Variants in SFMBT2 observed in about 807,000 individuals in gnomAD.
SFMBT2 encodes the protein scm-like with four MBT domains protein 2.
In SFMBT2, 38 loss-of-function variants were observed where a neutral mutation model predicts 110.1. The ratio of observed to expected loss-of-function variants is 0.35; its 90% CI spans 0.27 to 0.45. The LOEUF (loss-of-function observed/expected upper bound fraction) is 0.45. SFMBT2 is among the 20% of genes least tolerant of loss of function. The pLI, the probability that SFMBT2 is intolerant of heterozygous loss-of-function variation, is 1.00. For synonymous variants in SFMBT2, 425 were observed against 425.4 expected (o/e 1.00, Z 0.01); for missense variants, 1,011 against 1,094.9 (o/e 0.92, Z 1.08).
chr10:7,252,209 C>T (rs913297923), intron 7 of SFMBT2, among the ~76,000 whole-genome samples: 1 of 152,194 alleles, frequency 6.6e-6, no homozygotes, highest in African/African-American at 2.4e-5. Context: ...TCAATCATAG[C>T]TCCCCGTGCT....
chr10:7,211,201 A>T lies in SFMBT2; in HGVS notation c.1331-5273T>A, dbSNP rs575375765. Reference sequence around the variant, plus strand: ...TCGTTTTTATTTCTGGGTGGGGGGTATGTGTCTAGCAACTGTCTCCCTCCT... The same window carrying T: ...TCGTTTTTATTTCTGGGTGGGGGGTTTGTGTCTAGCAACTGTCTCCCTCCT... On this transcript the variant is annotated intron_variant, in intron 11 of 20. Transcript: ENST00000397167. Among the ~76,000 whole-genome samples the T allele has an allele frequency of 4.0e-5, 6 of 151,894 alleles. No homozygotes were observed. The South Asian group carries it at 1.3e-3, about 32-fold the overall frequency.
chr10:7,204,422 A>T, intron 12 of SFMBT2: 1 of 985,386 alleles, frequency 1.0e-6, no homozygotes, highest in Non-Finnish European at 1.2e-6. Context: ...AATGTCAGAG[A>T]CGGAATCTCT....
At chr10:7,207,607 C>G (rs1174080026) in intron 11 of SFMBT2, 54 of 984,228 alleles carry the variant, frequency 5.5e-5, no homozygotes, top group Non-Finnish European at 6.4e-5. Context: ...TCCAAGTCAT[C>G]TCATAACATC....
intron 16 of SFMBT2, among the ~76,000 whole-genome samples, chr10:7,182,490 G>C (rs1202529451): frequency 6.6e-6 from 1 of 152,082 alleles, no homozygotes; most frequent in South Asian, 2.1e-4. Context: ...ATGATAGACT[G>C]GATTAAGAAA....
chr10:7,186,500 A>G (rs1010750622), intron 16 of SFMBT2, among the ~76,000 whole-genome samples: 3 of 146,100 alleles, frequency 2.1e-5, no homozygotes, highest in Admixed American at 6.9e-5. Flanking sequence ...TTGTAGAGAC[A>G]GGGTCTTACT....
chr10:7,317,258 C>T (rs1377203772), intron 4 of SFMBT2, among the ~76,000 whole-genome samples: 5 of 151,408 alleles, frequency 3.3e-5, no homozygotes, highest in Non-Finnish European at 2.9e-5. Context: ...TCTCATCATT[C>T]GAAAATAGAG....
chr10:7,356,556 G>A (rs1242181391), intron 4 of SFMBT2, among the ~76,000 whole-genome samples: 1 of 152,130 alleles, frequency 6.6e-6, no homozygotes, highest in African/African-American at 2.4e-5. Flanking sequence ...GGGATTACAG[G>A]CATGTGCCAC....
In SFMBT2 at chr10:7,160,848, C is replaced by T. The variant is rs1006531684; in HGVS notation, c.*2922G>A. On this transcript the variant is annotated 3_prime_UTR_variant, in exon 21 of 21. Transcript: ENST00000397167. ...GTCCATCCACCACGACGGAAATCCC[C>T]GGAGAATCCAGGCTCAGAAGGACAC... The T allele has an allele frequency of 2.6e-5, 4 of 152,252 alleles. No homozygotes were observed. Among genetic ancestry groups the T allele is most frequent in the Admixed American group, 6.5e-5 (1 of 15,286 alleles). The allele number at this position is 152,252 out of a possible 1,614,324, so 9.4% of individuals were successfully genotyped here.
chr10:7,238,533 TC>T lies in SFMBT2; in HGVS notation c.1120+5024del, dbSNP rs538559458. 2.4e-3 allele frequency among the ~76,000 whole-genome samples: 370 copies of T among 152,356 alleles called. 3 individuals are homozygous for T. Among genetic ancestry groups the T allele is most frequent in the South Asian group, 0.013 (62 of 4,826 alleles). On this transcript the variant is annotated intron_variant, in intron 9 of 20. Transcript: ENST00000397167. Reference sequence around the variant, plus strand: ...CTCATCAGTCAGTGTCTGAGGTTTTTCTTTAGGAAAAGAGAATACGACTTAC... The same window carrying T: ...CTCATCAGTCAGTGTCTGAGGTTTTTTTTAGGAAAAGAGAATACGACTTAC...
intron 1 of SFMBT2, among the ~76,000 whole-genome samples, chr10:7,409,784 C>A (rs2132140744): frequency 6.6e-6 from 1 of 152,052 alleles, no homozygotes; most frequent in South Asian, 2.1e-4. Flanking sequence ...CCTTTATTTT[C>A]AGTTTTTAAA....
intron 4 of SFMBT2, among the ~76,000 whole-genome samples, chr10:7,336,908 G>A (rs370457771): frequency 1.1e-4 from 17 of 151,974 alleles, no homozygotes; most frequent in African/African-American, 3.4e-4. Context: ...AGAGACAGAG[G>A]GTATTCAATG....
At chr10:7,230,776 T>A (rs1046444537) in intron 9 of SFMBT2, among the ~76,000 whole-genome samples, 2 of 151,820 alleles carry the variant, frequency 1.3e-5, no homozygotes, top group African/African-American at 4.8e-5. Flanking sequence ...CTACTACAAA[T>A]ACAAAAATTA....
At chr10:7,296,437 AT>A (rs1362957401) in intron 4 of SFMBT2, among the ~76,000 whole-genome samples, 1 of 152,122 alleles carries the variant, frequency 6.6e-6, no homozygotes, top group Non-Finnish European at 1.5e-5. Flanking sequence ...CTTGTTAAAG[AT>A]TTTATTCTCC....
intron 4 of SFMBT2, among the ~76,000 whole-genome samples, chr10:7,344,997 A>G (rs1330085193): frequency 1.3e-5 from 2 of 149,694 alleles, no homozygotes; most frequent in East Asian, 3.9e-4. Context: ...TGGCACATGG[A>G]TAAAGATGAT....
In SFMBT2 at chr10:7,159,259, T is replaced by C. The variant is rs1451468374; in HGVS notation, c.*4511A>G. 6.6e-6 allele frequency: 1 copy of C among 152,178 alleles called. No individual in the cohort carries two copies. Among genetic ancestry groups the C allele is most frequent in the Non-Finnish European group, 1.5e-5 (1 of 68,020 alleles). 9.4% of individuals were successfully genotyped at this position (152,178 alleles called of 1,614,324 possible). On this transcript the variant is annotated 3_prime_UTR_variant, in exon 21 of 21. Transcript: ENST00000397167. ...TTGAGTTGTTACTTGTCATTGAAACTAGAGAGGTTTTAAACCAAAATTCAA... is the reference window on the plus strand; with the variant it reads ...TTGAGTTGTTACTTGTCATTGAAACCAGAGAGGTTTTAAACCAAAATTCAA...
intron 20 of SFMBT2, among the ~76,000 whole-genome samples, chr10:7,168,028 A>G (rs1418289070): frequency 6.6e-6 from 1 of 151,182 alleles, no homozygotes; most frequent in Non-Finnish European, 1.5e-5. Context: ...AGATCGCGCC[A>G]TTGCACTCTA....
chr10:7,248,728 G>T, intron 7 of SFMBT2, 79 bp from the exon 8 acceptor site: 1 of 1,295,562 alleles, frequency 7.7e-7, no homozygotes, highest in Non-Finnish European at 1.1e-6. Context: ...CGCTCCTGGA[G>T]CATTTTATTG....
At chr10:7,198,555 C>T (rs923053595) in intron 14 of SFMBT2, among the ~76,000 whole-genome samples, 46 of 152,192 alleles carry the variant, frequency 3.0e-4, no homozygotes, top group Non-Finnish European at 1.5e-4. Context: ...AGTCCTACAT[C>T]TACCCCAACA....
chr10:7,163,824 T>A lies in SFMBT2; in HGVS notation c.2631A>T (p.Leu877Phe), dbSNP rs1254054194. The change falls in exon 21 of 21, where the codon TTA becomes TTT. Residue 877 changes from leucine (L) to phenylalanine (F), a missense_variant. Leu to Phe is a conservative substitution (Grantham distance 22). Around this residue, in one of 2 missense-constraint regions of SFMBT2, gnomAD observed 32 missense variants for 78.8 expected, o/e 0.41. Coordinates refer to ENST00000397167, the MANE Select transcript of SFMBT2 (RefSeq NM_001387889.1). This position sits in a 1 kb window ranked among gnomAD's most constrained non-coding sequence, Gnocchi z 4.8. ...MELKLGPAIK[L>F]CHQIERVKVA... is the part of the protein sequence containing the mutation. ...CTTTGACTCTCTCGATCTGGTGGCA[T>A]AACTTGATGGCAGGCCCCAGCTTCA... The A allele has an allele frequency of 6.2e-7, 1 of 1,614,174 alleles. No homozygotes were observed. Among genetic ancestry groups the A allele is most frequent in the East Asian group, 2.2e-5 (1 of 44,886 alleles).
Sources: gnomAD v4.1 joint callset for allele counts (sites outside exome capture counted in the v4.1 genomes callset) on GRCh38, gnomAD v4.1.1 for gene constraint, gnomAD v4.1.1 regional missense constraint, Gnocchi (gnomAD v3.1) non-coding constraint, MANE v1.5 for transcripts, NCBI Gene and HGNC (gene_info 2026-07-23, HGNC 2026-07-21) for gene names.